The following FAM178B variants were observed in gnomAD, a reference collection of about 807,000 sequenced individuals.
FAM178B encodes the protein protein FAM178B.
In FAM178B, 82 loss-of-function variants were observed where a neutral mutation model predicts 91.7. The ratio of observed to expected loss-of-function variants is 0.89; its 90% CI spans 0.75 to 1.07. FAM178B has a LOEUF of 1.07. Ranked by LOEUF, FAM178B falls within the 50% of genes least tolerant of loss-of-function variation. The pLI is 0.00. For missense variants in FAM178B, 769 were observed against 846.7 expected, an observed-to-expected ratio of 0.91 and a Z score of 1.14; for synonymous variants, 368 against 359.4, an observed-to-expected ratio of 1.02 and a Z score of -0.27.
At chr2:96,888,498 C>T (rs1010602740) in intron 14 of FAM178B, among the ~76,000 whole-genome samples, 3 of 152,224 alleles carry the variant, frequency 2.0e-5, no homozygotes, top group East Asian at 3.8e-4. Context: ...GTTGAGCATG[C>T]CAGCAAGAGA....
chr2:96,958,892 G>C (rs1433602226), intron 6 of FAM178B, among the ~76,000 whole-genome samples: 1 of 151,826 alleles, frequency 6.6e-6, no homozygotes, highest in Non-Finnish European at 1.5e-5. Flanking sequence ...CTGTGTCTGA[G>C]GATTTGCTTA....
intron 13 of FAM178B, chr2:96,898,009 G>A (rs969651240): frequency 7.1e-6 from 7 of 985,290 alleles, no homozygotes; most frequent in Admixed American, 1.2e-4. Flanking sequence ...TGCAGCTTGT[G>A]GGAGATACAG....
At chr2:96,931,139 G>A (rs763147662) in intron 8 of FAM178B, among the ~76,000 whole-genome samples, 4 of 152,206 alleles carry the variant, frequency 2.6e-5, no homozygotes, top group Non-Finnish European at 5.9e-5. Context: ...TTTGACAATG[G>A]GTGGGGCATC....
At chr2:96,891,859 A>C (rs1283224833) in intron 14 of FAM178B, among the ~76,000 whole-genome samples, 4 of 152,222 alleles carry the variant, frequency 2.6e-5, no homozygotes, top group Non-Finnish European at 5.9e-5. Context: ...CAAAAGGCAG[A>C]GGCTCAGCTC....
At chr2:96,909,732 C>T (rs1202143471) in intron 12 of FAM178B, among the ~76,000 whole-genome samples, 2 of 152,168 alleles carry the variant, frequency 1.3e-5, no homozygotes, top group African/African-American at 2.4e-5. Context: ...GCAGCTGGGC[C>T]TCCCTTTTCA....
At chr2:96,881,592 AGTCGTGGGGAGG>A (rs1559046963) in intron 14 of FAM178B, among the ~76,000 whole-genome samples, 1 of 151,874 alleles carries the variant, frequency 6.6e-6, no homozygotes, top group East Asian at 1.9e-4. Context: ...TCCTAGAAGG[AGTCGTGGGGAGG>A]GTCTGAGATC....
intron 1 of FAM178B, among the ~76,000 whole-genome samples, chr2:96,973,927 C>T (rs1299615341): frequency 6.6e-6 from 1 of 151,870 alleles, no homozygotes; most frequent in Non-Finnish European, 1.5e-5. Context: ...CACTTGAACC[C>T]AGGAGACGGC....
intron 6 of FAM178B, among the ~76,000 whole-genome samples, chr2:96,952,835 C>T (rs1730130): frequency 0.75 from 114,636 of 152,044 alleles, 44,347 homozygotes; most frequent in Middle Eastern, 0.83. Context: ...CACATTTGTT[C>T]TTCTTTTTAA....
intron 12 of FAM178B, among the ~76,000 whole-genome samples, chr2:96,917,741 A>C (rs2153370547): frequency 6.6e-6 from 1 of 152,278 alleles, no homozygotes; most frequent in South Asian, 2.1e-4. Flanking sequence ...CTGTAGTCCT[A>C]GCTACTAAGG....
chr2:96,925,786 A>G (rs2153371293), intron 9 of FAM178B, among the ~76,000 whole-genome samples: 1 of 152,258 alleles, frequency 6.6e-6, no homozygotes, highest in East Asian at 1.9e-4. Flanking sequence ...AGGTCTCCGC[A>G]TCTTCTTCCC....
intron 6 of FAM178B, among the ~76,000 whole-genome samples, chr2:96,955,419 G>A (rs1427116365): frequency 6.6e-6 from 1 of 152,050 alleles, no homozygotes; most frequent in African/African-American, 2.4e-5. Flanking sequence ...GCTAAGGCAG[G>A]AGAATGGCGT....
chr2:96,952,902 T>C (rs2081950336), intron 6 of FAM178B, among the ~76,000 whole-genome samples: 2 of 152,082 alleles, frequency 1.3e-5, no homozygotes, highest in African/African-American at 4.8e-5. Flanking sequence ...CCACCCTAGA[T>C]AAAAAGTTTT....
In FAM178B at chr2:96,976,320, C is replaced by T. The variant is rs192510908; in HGVS notation, c.74-3714G>A. On this transcript the variant is annotated intron_variant, in intron 1 of 16. Coordinates refer to ENST00000490605, the MANE Select transcript of FAM178B (RefSeq NM_001122646.3). ...GTGTTAGCCAGGATGGTCTCAACCT[C>T]CTGACCTCATGATCCACCTGCCTTG... 1.5e-3 allele frequency among the ~76,000 whole-genome samples: 233 copies of T among 150,454 alleles called. 1 individual carries two copies. Among genetic ancestry groups the T allele is most frequent in the Admixed American group, 2.4e-3 (36 of 15,138 alleles).
At position 96,918,586 on chromosome 2, in the gene FAM178B, T is replaced by C. The variant is rs149299159; in HGVS notation, c.1562+2579A>G. 2.8e-3 allele frequency among the ~76,000 whole-genome samples: 421 copies of C among 152,342 alleles called. 1 individual carries two copies. Among genetic ancestry groups the C allele is most frequent in the Non-Finnish European group, 5.2e-3 (352 of 68,034 alleles). On this transcript the variant is annotated intron_variant, in intron 12 of 16. Coordinates refer to ENST00000490605, the MANE Select transcript of FAM178B (RefSeq NM_001122646.3). ...TGTTACTAATAGGTCCAGCTTTACA[T>C]ACTTTAGGGTTGCAATTTCACATCA...
intron 6 of FAM178B, among the ~76,000 whole-genome samples, chr2:96,958,035 T>G (rs958811023): frequency 6.6e-6 from 1 of 152,082 alleles, no homozygotes; most frequent in Non-Finnish European, 1.5e-5. Context: ...ATTGGAATGT[T>G]TGGACATTGT....
At chr2:96,925,435 C>T (rs2081421103) in intron 9 of FAM178B, among the ~76,000 whole-genome samples, 1 of 152,162 alleles carries the variant, frequency 6.6e-6, no homozygotes, top group Non-Finnish European at 1.5e-5. Flanking sequence ...GTCCTCTAAT[C>T]CTCGCTTTTC....
chr2:96,940,436 C>T (rs974979601), intron 8 of FAM178B, among the ~76,000 whole-genome samples: 9 of 152,096 alleles, frequency 5.9e-5, no homozygotes, highest in African/African-American at 2.2e-4. Context: ...TCGGGTGGGG[C>T]GAGGACATCT....
intron 13 of FAM178B, 36 bp downstream of exon 13, chr2:96,902,584 A>ATGGCCTGCGGGCTC: frequency 6.9e-7 from 1 of 1,444,072 alleles, no homozygotes; most frequent in Non-Finnish European, 9.5e-7. Context: ...CCCGCAGGCC[A>ATGGCCTGCGGGCTC]TGGCCTTCCT....
At chr2:96,934,125 C>T (rs948530535) in intron 8 of FAM178B, among the ~76,000 whole-genome samples, 4 of 152,218 alleles carry the variant, frequency 2.6e-5, no homozygotes, top group African/African-American at 7.2e-5. Flanking sequence ...GTGAACAAAA[C>T]ACAAAGCAGC....
Sources: allele counts gnomAD v4.1 joint callset (sites outside exome capture counted in the v4.1 genomes callset), GRCh38; gene constraint gnomAD v4.1.1; transcripts MANE v1.5; gene names NCBI Gene and HGNC (gene_info 2026-07-23, HGNC 2026-07-21).